Variants in RSRC1 observed in about 807,000 individuals in gnomAD.
The protein encoded by RSRC1 is serine/Arginine-related protein 53.
Under a neutral mutation model 49.1 loss-of-function variants are expected in RSRC1, and 39 were observed. The observed-to-expected ratio is 0.79, with a 90% CI of 0.61 to 1.04. The LOEUF (loss-of-function observed/expected upper bound fraction) is 1.04. RSRC1 is among the 50% of genes least tolerant of loss of function. The pLI, the probability that RSRC1 is intolerant of heterozygous loss-of-function variation, is 0.00. For synonymous variants in RSRC1, 143 were observed against 130.8 expected (o/e 1.09, Z -0.63); for missense variants, 388 against 402.4 (o/e 0.96, Z 0.31).
intron 3 of RSRC1, among the ~76,000 whole-genome samples, chr3:158,125,651 G>T (rs531114080): frequency 6.6e-6 from 1 of 152,102 alleles, no homozygotes; most frequent in African/African-American, 2.4e-5. Context: ...GAAATCTGTC[G>T]TGGAGAATGT....
At chr3:158,173,423 A>G (rs1313564748) in intron 3 of RSRC1, among the ~76,000 whole-genome samples, 1 of 152,002 alleles carries the variant, frequency 6.6e-6, no homozygotes, top group East Asian at 1.9e-4. Flanking sequence ...TGTTATTAAG[A>G]TCTAAATCTT....
intron 8 of RSRC1, among the ~76,000 whole-genome samples, chr3:158,537,942 A>T (rs138923200): frequency 1.6e-3 from 240 of 151,830 alleles, no homozygotes; most frequent in African/African-American, 5.3e-3. Context: ...TTTTAAGTAC[A>T]TGTTTATTAT....
intron 1 of RSRC1, among the ~76,000 whole-genome samples, chr3:158,117,093 A>G (rs4346508): frequency 0.71 from 108,147 of 151,906 alleles, 39,216 homozygotes; most frequent in African/African-American, 0.83. Flanking sequence ...GTTGAGATTC[A>G]TTTTCTCAGC....
At position 158,332,972 on chromosome 3, in the gene RSRC1, T is replaced by G. The variant is rs529612309; in HGVS notation, c.532-21885T>G. 2.3e-3 allele frequency among the ~76,000 whole-genome samples: 202 copies of G among 86,250 alleles called. 1 individual carries two copies. The highest frequency in any genetic ancestry group is 2.7e-3 in the Non-Finnish European group (87 of 32,772). 56.6% of individuals were successfully genotyped at this position (86,250 alleles called of 152,430 possible). A position where few individuals can be genotyped will look rare whatever the true frequency, so the allele number is the denominator to read the frequency against. Reference sequence around the variant, plus strand: ...CTTAGGGATGCTTTTCTGTTTTTTGTTTTTTTTTTTTTTTGAGACAGAGTC... The same window carrying G: ...CTTAGGGATGCTTTTCTGTTTTTTGGTTTTTTTTTTTTTTGAGACAGAGTC... On this transcript the variant is annotated intron_variant, in intron 5 of 9. Transcript: ENST00000611884.
At chr3:158,296,880 C>T (rs569119598) in intron 4 of RSRC1, among the ~76,000 whole-genome samples, 6 of 151,842 alleles carry the variant, frequency 4.0e-5, no homozygotes, top group African/African-American at 7.3e-5. Flanking sequence ...GCAGTGAGAG[C>T]AAAGGTTGGA....
chr3:158,185,574 T>C (rs1719883017), intron 3 of RSRC1, among the ~76,000 whole-genome samples: 1 of 151,912 alleles, frequency 6.6e-6, no homozygotes, highest in African/African-American at 2.4e-5. Flanking sequence ...TCTACTCCTA[T>C]ATTTAAAGTA....
intron 5 of RSRC1, among the ~76,000 whole-genome samples, chr3:158,330,888 T>TAA (rs11303833): frequency 2.1e-5 from 3 of 144,228 alleles, no homozygotes; most frequent in African/African-American, 7.7e-5. Context: ...GGTAACTTAT[T>TAA]AAAAAAAAAA....
intron 6 of RSRC1, among the ~76,000 whole-genome samples, chr3:158,401,622 T>C (rs1391646785): frequency 6.6e-6 from 1 of 152,038 alleles, no homozygotes; most frequent in Admixed American, 6.6e-5. Flanking sequence ...TACTGGCTTT[T>C]AGTAATTCAA....
At chr3:158,405,753 G>A (rs1734130945) in intron 6 of RSRC1, among the ~76,000 whole-genome samples, 1 of 152,030 alleles carries the variant, frequency 6.6e-6, no homozygotes, top group Non-Finnish European at 1.5e-5. Context: ...GAGGGAATAG[G>A]GACTGAATAG....
intron 4 of RSRC1, among the ~76,000 whole-genome samples, chr3:158,222,275 T>C (rs933804243): frequency 1.3e-5 from 2 of 151,530 alleles, no homozygotes; most frequent in African/African-American, 4.8e-5. Flanking sequence ...GCCTGTATCC[T>C]TTCTAAGGAT....
chr3:158,268,710 T>C (rs755394337), intron 4 of RSRC1, among the ~76,000 whole-genome samples: 1 of 152,248 alleles, frequency 6.6e-6, no homozygotes, highest in Non-Finnish European at 1.5e-5. Context: ...AATTGTTTTC[T>C]GTCAGCAGTT....
At chr3:158,186,811 A>G (rs1257592569) in intron 3 of RSRC1, among the ~76,000 whole-genome samples, 1 of 151,706 alleles carries the variant, frequency 6.6e-6, no homozygotes, top group African/African-American at 2.4e-5. Flanking sequence ...TCCCAATTCT[A>G]CCTTTAATAT....
intron 4 of RSRC1, among the ~76,000 whole-genome samples, chr3:158,278,722 T>G (rs1452635554): frequency 6.6e-6 from 1 of 152,238 alleles, no homozygotes; most frequent in African/African-American, 2.4e-5. Context: ...TTTCTTTGAC[T>G]GCATTCAAAC....
intron 4 of RSRC1, among the ~76,000 whole-genome samples, chr3:158,216,277 T>A (rs1721937867): frequency 6.6e-6 from 1 of 151,468 alleles, no homozygotes; most frequent in African/African-American, 2.4e-5. Context: ...TTTTTGTTTT[T>A]TTATGATTAG....
chr3:158,277,218 T>G (rs1414612690), intron 4 of RSRC1, among the ~76,000 whole-genome samples: 1 of 152,210 alleles, frequency 6.6e-6, no homozygotes, highest in African/African-American at 2.4e-5. Flanking sequence ...AGCACTTTAC[T>G]TGATTAGGGT....
chr3:158,276,155 A>G (rs1171583313), intron 4 of RSRC1: 2 of 915,560 alleles, frequency 2.2e-6, no homozygotes, highest in South Asian at 1.3e-5. Flanking sequence ...TTAGCTGGTT[A>G]ACACCATGAT....
chr3:158,375,390 T>G (rs1443013012), intron 6 of RSRC1, among the ~76,000 whole-genome samples: 1 of 151,026 alleles, frequency 6.6e-6, no homozygotes, highest in Non-Finnish European at 1.5e-5. Context: ...CTTAATGAGA[T>G]ATGGTTTTGC....
At chr3:158,356,028 A>G (rs1731138783) in intron 6 of RSRC1, among the ~76,000 whole-genome samples, 1 of 151,952 alleles carries the variant, frequency 6.6e-6, no homozygotes, top group African/African-American at 2.4e-5. Flanking sequence ...ATAATAATAT[A>G]CTTTAATAAA....
intron 5 of RSRC1, among the ~76,000 whole-genome samples, chr3:158,322,815 G>A (rs774596407): frequency 6.6e-6 from 1 of 151,366 alleles, no homozygotes; most frequent in Non-Finnish European, 1.5e-5. Flanking sequence ...TTTTCTCTTT[G>A]TTTTCTGCTT....
Sources: allele counts gnomAD v4.1 joint callset (sites outside exome capture counted in the v4.1 genomes callset), GRCh38; gene constraint gnomAD v4.1.1; transcripts MANE v1.5; gene names NCBI Gene and HGNC (gene_info 2026-07-23, HGNC 2026-07-21).